The following TRIM38 variants were observed in gnomAD, a reference collection of about 807,000 sequenced individuals.
The protein encoded by TRIM38 is E3 ubiquitin-protein ligase TRIM38.
Under a neutral mutation model 35.8 loss-of-function variants are expected in TRIM38, and 35 were observed. The ratio of observed to expected loss-of-function variants is 0.98; its 90% confidence interval spans 0.75 to 1.30. TRIM38 has a LOEUF of 1.30. TRIM38 is among the 50% of genes most tolerant of loss of function. TRIM38 has a pLI of 0.00. For missense variants in TRIM38, 545 were observed against 556.9 expected (o/e 0.98, Z 0.21); for synonymous variants, 198 against 204.7 (o/e 0.97, Z 0.28).
In TRIM38 at chr6:25,988,021, C is replaced by G. The variant is rs1197051160; in HGVS notation, c.*4334C>G. 1 of 152,168 alleles carries G rather than the reference C, an allele frequency of 6.6e-6. No individual in the cohort carries two copies. The highest frequency in any genetic ancestry group is 1.5e-5 in the Non-Finnish European group (1 of 68,022). 9.4% of individuals were successfully genotyped at this position (152,168 alleles called of 1,614,324 possible). The stretch of plus-strand genomic sequence containing the variant: ...ACAGGGACGAGGTTAAAGCACCTCT[C>G]CATAAGACACGCCCACCAGCGCCAT... On this transcript the variant is annotated 3_prime_UTR_variant, in exon 8 of 8. Transcript: ENST00000357085.
rs1760295608 is a variant in TRIM38, at chr6:25,973,275, G to A, written c.864G>A (p.Arg288=). 2.5e-6 allele frequency: 4 copies of A among 1,613,506 alleles called. No individual in the cohort carries two copies. In the South Asian group the frequency reaches 3.3e-5, roughly 13 times the overall value. The change falls in exon 7 of 8, where the codon AGG becomes AGA. Residue 288 remains arginine (R), a synonymous_variant. Transcript: ENST00000357085. ...ACTTCGATGTGAAGAAAATGTTAAG[G>A]AGTCATCAAGGTATGTTCACTAAAG... The part of the protein sequence containing the change: ...KLYFDVKKML[R]SHQVSVTLDP...
In TRIM38 at chr6:25,983,761, G is replaced by C; in HGVS notation, c.*74G>C. The C allele has an allele frequency of 7.2e-7, 1 of 1,389,302 alleles. No individual in the cohort carries two copies. Among genetic ancestry groups the C allele is most frequent in the East Asian group, 2.3e-5 (1 of 43,284 alleles). 86.1% of individuals were successfully genotyped at this position (1,389,302 alleles called of 1,614,324 possible). On this transcript the variant is annotated 3_prime_UTR_variant, in exon 8 of 8. Coordinates refer to ENST00000357085, the MANE Select transcript of TRIM38 (RefSeq NM_006355.5). ...TAAATCCCATAAGGGCAGACGTTTG[G>C]TCTGTTTTCTTCGCTGTCATTTCCT...
In TRIM38 at chr6:25,988,483, T is replaced by TTC. The variant is rs1395456280; in HGVS notation, c.*4797_*4798insCT. 3.9e-4 allele frequency: 43 copies of TTC among 109,420 alleles called. No individual in the cohort carries two copies. Among genetic ancestry groups the TTC allele is most frequent in the African/African-American group, 1.4e-3 (35 of 24,866 alleles). 6.8% of individuals were successfully genotyped at this position (109,420 alleles called of 1,614,324 possible). A position where few individuals can be genotyped will look rare whatever the true frequency, so the allele number is the denominator to read the frequency against. ...CGTTTCTTTTCTTTTTCTTTTTCTT[T>TTC]TTTCTTTTCTTTCTTTTTTTTTTTT... is the stretch of plus-strand genomic sequence containing the variant. On this transcript the variant is annotated 3_prime_UTR_variant, in exon 8 of 8. Coordinates refer to ENST00000357085, the MANE Select transcript of TRIM38 (RefSeq NM_006355.5).
chr6:25,966,348 C>G lies in TRIM38; in HGVS notation c.-175C>G, dbSNP rs939493331. The G allele has an allele frequency of 1.6e-6, 1 of 643,970 alleles. No individual in the cohort carries two copies. The highest frequency in any genetic ancestry group is 3.3e-5 in the South Asian group (1 of 30,172). 39.9% of individuals were successfully genotyped at this position (643,970 alleles called of 1,614,324 possible). On this transcript the variant is annotated 5_prime_UTR_variant, in exon 3 of 8. Transcript: ENST00000357085. ...TCTTCCTTTTAGGTCCTCTTTTCTTCAATACAAAATGAGATAATAGGGGTT... is the reference window on the plus strand; with the variant it reads ...TCTTCCTTTTAGGTCCTCTTTTCTTGAATACAAAATGAGATAATAGGGGTT...
chr6:25,972,871 G>C (rs1688225038), intron 5 of TRIM38, among the ~76,000 whole-genome samples, 183 bp from the exon 6 acceptor site: 2 of 152,176 alleles, frequency 1.3e-5, no homozygotes, highest in African/African-American at 4.8e-5. Context: ...TTCCATCTGG[G>C]TATCCATCAA....
chr6:25,979,394 A>T (rs1367715711), intron 7 of TRIM38, among the ~76,000 whole-genome samples: 1 of 152,010 alleles, frequency 6.6e-6, no homozygotes, highest in Admixed American at 6.6e-5. Flanking sequence ...TAGTGATTTC[A>T]TTTCTTTAAT....
rs1246129782 is a variant in TRIM38, at chr6:25,989,418, CA to C, written c.*5732del. On this transcript the variant is annotated 3_prime_UTR_variant, in exon 8 of 8. Coordinates refer to ENST00000357085, the MANE Select transcript of TRIM38 (RefSeq NM_006355.5). The stretch of plus-strand genomic sequence containing the variant: ...ACCCAAAGTATTAATTTGGCAATCT[CA>C]TATCACGAGAGTACTCTAAAGCTAA... 1 of 151,690 alleles carries C rather than the reference CA, an allele frequency of 6.6e-6. No individual in the cohort carries two copies. Among genetic ancestry groups the C allele is most frequent in the Non-Finnish European group, 1.5e-5 (1 of 67,978 alleles). The allele number at this position is 151,690 out of a possible 1,614,324, so 9.4% of individuals were successfully genotyped here.
intron 2 of TRIM38, among the ~76,000 whole-genome samples, chr6:25,965,722 G>GAGACCATTCT (rs60252649): frequency 1.3e-5 from 2 of 151,802 alleles, no homozygotes; most frequent in Non-Finnish European, 2.9e-5. Context: ...TCAAGAGATC[G>GAGACCATTCT]AGCCAACCAA....
intron 7 of TRIM38, among the ~76,000 whole-genome samples, chr6:25,976,699 G>A (rs6925912): frequency 0.19 from 28,830 of 152,084 alleles, 3,236 homozygotes; most frequent in African/African-American, 0.3. Context: ...CTTGTGTCCC[G>A]TAAATGTTCC....
chr6:25,983,043 A>G lies in TRIM38; in HGVS notation c.875-121A>G. The G allele has an allele frequency of 4.3e-6, 4 of 927,212 alleles. No individual in the cohort carries two copies. In the South Asian group the frequency reaches 7.4e-5, roughly 17 times the overall value. 57.4% of individuals were successfully genotyped at this position (927,212 alleles called of 1,614,324 possible). On this transcript the variant is annotated intron_variant, in intron 7 of 7. Coordinates refer to ENST00000357085, the MANE Select transcript of TRIM38 (RefSeq NM_006355.5). ...GGTGGAGGTTGCAGTGAGTTGAGAT[A>G]GTGCCAGTGCACTCCAGCCTGGGTG...
rs915647493 is a variant in TRIM38 at position 25,987,136 on chromosome 6, T to C, written c.*3449T>C. On this transcript the variant is annotated 3_prime_UTR_variant, in exon 8 of 8. Coordinates refer to ENST00000357085, the MANE Select transcript of TRIM38 (RefSeq NM_006355.5). ...CTTCACACTCATACTATTTAAACTGTCCTAGTCAATGACCAAAAAAGAAAA... is the reference window on the plus strand; with the variant it reads ...CTTCACACTCATACTATTTAAACTGCCCTAGTCAATGACCAAAAAAGAAAA... 1 of 151,642 alleles carries C rather than the reference T, an allele frequency of 6.6e-6. No homozygotes were observed. Among genetic ancestry groups the C allele is most frequent in the Non-Finnish European group, 1.5e-5 (1 of 67,964 alleles). The allele number at this position is 151,642 out of a possible 1,614,324, so 9.4% of individuals were successfully genotyped here.
chr6:25,972,018 G>T lies in TRIM38; in HGVS notation c.657G>T (p.Leu219=). 1 of 1,614,150 alleles carries T rather than the reference G, an allele frequency of 6.2e-7. No homozygotes were observed. Among genetic ancestry groups the T allele is most frequent in the Non-Finnish European group, 8.5e-7 (1 of 1,180,028 alleles). ...GACTGAGGGACTATGAGGCTGGTCT[G>T]GGGCTGAAGAGCAATGAACTCAAGA... is the stretch of plus-strand genomic sequence containing the variant. ...LSRLRDYEAG[L]GLKSNELKSH... Residue 219 remains leucine (L), a synonymous_variant, in exon 5 of 8, where the codon CTG becomes CTT. Coordinates refer to ENST00000357085, the MANE Select transcript of TRIM38 (RefSeq NM_006355.5).
At position 25,983,706 on chromosome 6, in the gene TRIM38, CT is replaced by C; in HGVS notation, c.*21del. 1 of 1,549,024 alleles carries C rather than the reference CT, an allele frequency of 6.5e-7. No homozygotes were observed. Among genetic ancestry groups the C allele is most frequent in the Non-Finnish European group, 8.7e-7 (1 of 1,153,760 alleles). ...TGACTAAGGAAAAGAGCAGAAGCTC[CT>C]TGGTTTAACCAGCACAGAGAAAATA... On this transcript the variant is annotated 3_prime_UTR_variant, in exon 8 of 8. Transcript: ENST00000357085.
chr6:25,979,376 A>G (rs1760484365), intron 7 of TRIM38, among the ~76,000 whole-genome samples: 1 of 152,084 alleles, frequency 6.6e-6, no homozygotes, highest in Admixed American at 6.5e-5. Context: ...TGTCGGTAAA[A>G]TTTAAAGTAG....
At position 25,991,212 on chromosome 6, in the gene TRIM38, T is replaced by C. The variant is rs185654398; in HGVS notation, c.*7525T>C. 1 of 152,354 alleles carries C rather than the reference T, an allele frequency of 6.6e-6. No homozygotes were observed. The highest frequency in any genetic ancestry group is 6.5e-5 in the Admixed American group (1 of 15,304). The allele number at this position is 152,354 out of a possible 1,614,324, so 9.4% of individuals were successfully genotyped here. ...TGTTGGACACTGGGTCCATTAAAGATTGTATGTGAAATTATAAAAGAAACG... is the reference window on the plus strand; with the variant it reads ...TGTTGGACACTGGGTCCATTAAAGACTGTATGTGAAATTATAAAAGAAACG... On this transcript the variant is annotated 3_prime_UTR_variant, in exon 8 of 8. Transcript: ENST00000357085.
At chr6:25,980,475 T>C (rs1197482257) in intron 7 of TRIM38, among the ~76,000 whole-genome samples, 1 of 151,856 alleles carries the variant, frequency 6.6e-6, no homozygotes, top group African/African-American at 2.4e-5. Context: ...GGCTGTAGTG[T>C]AGTGGCGAAA....
chr6:25,972,157 A>G, intron 5 of TRIM38, 58 bp downstream of exon 5: 1 of 1,445,132 alleles, frequency 6.9e-7, no homozygotes, highest in Non-Finnish European at 9.6e-7. Flanking sequence ...ATTAAAGGAG[A>G]ATGGTAAGGA....
At chr6:25,964,180 A>G (rs1434765724) in intron 2 of TRIM38, among the ~76,000 whole-genome samples, 4 of 152,228 alleles carry the variant, frequency 2.6e-5, no homozygotes, top group African/African-American at 9.6e-5. Flanking sequence ...CCCTCTGCCA[A>G]TGGGGGTAGA....
At chr6:25,977,902 C>T (rs1343341008) in intron 7 of TRIM38, among the ~76,000 whole-genome samples, 5 of 151,984 alleles carry the variant, frequency 3.3e-5, no homozygotes, top group African/African-American at 1.2e-4. Context: ...CATTGGAGAC[C>T]TTCTTTTCCC....
Sources: allele counts gnomAD v4.1 joint callset (sites outside exome capture counted in the v4.1 genomes callset), GRCh38; gene constraint gnomAD v4.1.1; transcripts MANE v1.5; gene names NCBI Gene and HGNC (gene_info 2026-07-23, HGNC 2026-07-21).